ETFBKMT: variants seen among roughly 807,000 people sequenced by gnomAD.
The protein encoded by ETFBKMT is electron transfer flavoprotein beta subunit lysine methyltransferase.
ETFBKMT carries 13 observed loss-of-function variants against 18.3 expected under a neutral mutation model. That is an observed-to-expected ratio of 0.71 (90% CI 0.46 to 1.13). The LOEUF (loss-of-function observed/expected upper bound fraction) is 1.13, where lower values mean the gene tolerates loss of function less well. Among genes scored for constraint, ETFBKMT ranks in the 50% most tolerant of loss-of-function variants. ETFBKMT has a pLI of 0.00. For missense variants in ETFBKMT, 293 were observed against 306.2 expected (o/e 0.96, Z 0.32); for synonymous variants, 84 against 107.9 (o/e 0.78, Z 1.37).
At chr12:31,658,329 A>G (rs1354687564), upstream of ETFBKMT, among the ~76,000 whole-genome samples, 2 of 152,260 alleles carry the variant, frequency 1.3e-5, no homozygotes, top group African/African-American at 4.8e-5. Context: ...TGCAGTTCAT[A>G]AACACATTAT....
rs1321406973 is a variant in ETFBKMT at position 31,671,517 on chromosome 12, AAAACTAAGACCTTTGCTGTTTATTT to A, written c.*3528_*3552del. The A allele has an allele frequency of 6.6e-6, 1 of 152,222 alleles. No individual in the cohort carries two copies. Among genetic ancestry groups the A allele is most frequent in the Non-Finnish European group, 1.5e-5 (1 of 68,036 alleles). The allele number at this position is 152,222 out of a possible 1,614,324, so 9.4% of individuals were successfully genotyped here. ...GTGATTACCAAAAAGTTTTCACTTG[AAAACTAAGACCTTTGCTGTTTATTT>A]CACAATGTGAAATCAATAAACCTGA... On this transcript the variant is annotated 3_prime_UTR_variant, in exon 4 of 4. Transcript: ENST00000357721.
intron 2 of ETFBKMT, among the ~76,000 whole-genome samples, chr12:31,664,800 A>C (rs1951172882): frequency 1.3e-5 from 2 of 150,940 alleles, no homozygotes; most frequent in Non-Finnish European, 2.9e-5. Flanking sequence ...TTTTTAGTAG[A>C]GACGGGGTTT....
At chr12:31,652,425 A>G (rs1266579391) in intron 1 of ETFBKMT, among the ~76,000 whole-genome samples, 2 of 152,046 alleles carry the variant, frequency 1.3e-5, no homozygotes, top group Non-Finnish European at 2.9e-5. Flanking sequence ...CCCTAGTCCA[A>G]ATCCCTTTGT....
intron 2 of ETFBKMT, among the ~76,000 whole-genome samples, chr12:31,665,230 C>G (rs1951179231): frequency 6.6e-6 from 1 of 152,164 alleles, no homozygotes; most frequent in Non-Finnish European, 1.5e-5. Context: ...GCCACTGTGC[C>G]CAGCCTACAA....
chr12:31,672,190 A>C lies in ETFBKMT; in HGVS notation c.*4200A>C. 1.4e-6 allele frequency: 1 copy of C among 734,304 alleles called. No homozygotes were observed. Among genetic ancestry groups the C allele is most frequent in the Non-Finnish European group, 2.3e-6 (1 of 432,178 alleles). The allele number at this position is 734,304 out of a possible 1,614,324, so 45.5% of individuals were successfully genotyped here. ...TCTCTGAGAGTTATAACTTAAGACAATAAAATAATTAAAAATAGTGTTAAC... is the reference window on the plus strand; with the variant it reads ...TCTCTGAGAGTTATAACTTAAGACACTAAAATAATTAAAAATAGTGTTAAC... On this transcript the variant is annotated 3_prime_UTR_variant, in exon 4 of 4. Transcript: ENST00000357721.
chr12:31,648,361 T>A (rs1363063362), intron 1 of ETFBKMT, among the ~76,000 whole-genome samples: 2 of 18,324 alleles, frequency 1.1e-4, no homozygotes, highest in African/African-American at 2.1e-4. Flanking sequence ...ATGTAAATAG[T>A]TTTTTTTTTT....
rs1403759954 is a variant in ETFBKMT at position 31,671,349 on chromosome 12, A to G, written c.*3359A>G. ...ATAAGTACCCCCCAACATATACAAG[A>G]AAGTTAGCATACTTACCCCGTTTTT... On this transcript the variant is annotated 3_prime_UTR_variant, in exon 4 of 4. Transcript: ENST00000357721. 1 of 152,184 alleles carries G rather than the reference A, an allele frequency of 6.6e-6. No homozygotes were observed. The highest frequency in any genetic ancestry group is 1.5e-5 in the Non-Finnish European group (1 of 68,032). The allele number at this position is 152,184 out of a possible 1,614,324, so 9.4% of individuals were successfully genotyped here.
chr12:31,661,384 G>A (rs1951120955), intron 1 of ETFBKMT, among the ~76,000 whole-genome samples: 1 of 152,110 alleles, frequency 6.6e-6, no homozygotes. Context: ...AAAAAGATTG[G>A]ATTTTCCCAA....
intron 2 of ETFBKMT, among the ~76,000 whole-genome samples, chr12:31,663,624 T>G (rs1280603112): frequency 6.6e-6 from 1 of 152,212 alleles, no homozygotes; most frequent in East Asian, 1.9e-4. Context: ...AACAAAGAAT[T>G]GGACATGACA....
chr12:31,648,959 G>A (rs969490149), intron 1 of ETFBKMT, among the ~76,000 whole-genome samples: 17 of 150,818 alleles, frequency 1.1e-4, no homozygotes, highest in African/African-American at 3.6e-4. Context: ...TTACAGGCAT[G>A]AGCCACCACG....
intron 1 of ETFBKMT, among the ~76,000 whole-genome samples, chr12:31,660,475 G>A (rs1274585893): frequency 1.3e-5 from 2 of 152,108 alleles, no homozygotes; most frequent in Non-Finnish European, 1.5e-5. Flanking sequence ...TATAAGTTGT[G>A]TTTAAGTTGT....
At chr12:31,663,918 G>A (rs73303825) in intron 2 of ETFBKMT, among the ~76,000 whole-genome samples, 2,138 of 151,756 alleles carry the variant, frequency 0.014, 58 homozygotes, top group African/African-American at 0.05. Context: ...TTTACTTTTA[G>A]TTCTTGTAAC....
intron 1 of ETFBKMT, chr12:31,660,160 T>TC: frequency 3.1e-5 from 1 of 32,572 alleles, no homozygotes; most frequent in Non-Finnish European, 5.8e-5. Context: ...AGACTCTGTC[T>TC]CAAAAAAAAA....
At chr12:31,653,760 C>A (rs1951036597) in intron 1 of ETFBKMT, among the ~76,000 whole-genome samples, 1 of 152,152 alleles carries the variant, frequency 6.6e-6, no homozygotes, top group South Asian at 2.1e-4. Context: ...CCAGCCTGGC[C>A]AACATGGCGA....
chr12:31,672,201 A>G lies in ETFBKMT; in HGVS notation c.*4211A>G, dbSNP rs1951287355. The G allele has an allele frequency of 1.3e-6, 1 of 763,598 alleles. No individual in the cohort carries two copies. The highest frequency in any genetic ancestry group is 1.8e-5 in the African/African-American group (1 of 56,718). The allele number at this position is 763,598 out of a possible 1,614,324, so 47.3% of individuals were successfully genotyped here. The stretch of plus-strand genomic sequence containing the variant: ...TATAACTTAAGACAATAAAATAATT[A>G]AAAATAGTGTTAACATTAAGTAGAA... On this transcript the variant is annotated 3_prime_UTR_variant, in exon 4 of 4. Transcript: ENST00000357721.
At chr12:31,654,972 C>T (rs186010759), upstream of ETFBKMT, among the ~76,000 whole-genome samples, 6 of 151,822 alleles carry the variant, frequency 4.0e-5, no homozygotes, top group East Asian at 1.2e-3. Flanking sequence ...ATGAGAATTG[C>T]TTGAACCCGG....
chr12:31,649,779 T>C (rs1481129049), intron 1 of ETFBKMT, among the ~76,000 whole-genome samples: 6 of 150,932 alleles, frequency 4.0e-5, no homozygotes, highest in Admixed American at 6.6e-5. Context: ...CTTTTTTTTT[T>C]TTGAGACAGA....
chr12:31,661,980 A>G lies in ETFBKMT; in HGVS notation c.27A>G (p.Ala9=), dbSNP rs538398634. 2 of 1,614,082 alleles carry G rather than the reference A, an allele frequency of 1.2e-6. No individual in the cohort carries two copies. The highest frequency in any genetic ancestry group is 1.7e-5 in the Admixed American group (1 of 60,004). The change falls in exon 2 of 4, where the codon GCA becomes GCG. Residue 9 remains alanine, a synonymous_variant. Transcript: ENST00000357721. MALSLGWK[A]HRNHCGLLLQ... ...TGGCTTTGAGTCTAGGTTGGAAAGC[A>G]CACAGGAACCACTGTGGTCTCCTCT...
upstream of ETFBKMT, among the ~76,000 whole-genome samples, chr12:31,659,522 A>ACATACTT (rs1237111807): frequency 6.6e-6 from 1 of 152,226 alleles, no homozygotes; most frequent in African/African-American, 2.4e-5. Flanking sequence ...CACCACAGTC[A>ACATACTT]CATACTTCAT....
Sources: gnomAD v4.1 joint callset for allele counts (sites outside exome capture counted in the v4.1 genomes callset) on GRCh38, gnomAD v4.1.1 for gene constraint, MANE v1.5 for transcripts, NCBI Gene and HGNC (gene_info 2026-07-23, HGNC 2026-07-21) for gene names.